The following CNKSR3 variants were observed in gnomAD, a reference collection of about 807,000 sequenced individuals.
CNKSR3 encodes the protein connector enhancer of kinase suppressor of ras 3.
Under a neutral mutation model 67.7 loss-of-function variants are expected in CNKSR3, and 36 were observed. That is an observed-to-expected ratio of 0.53 (90% CI 0.41 to 0.70). The LOEUF (loss-of-function observed/expected upper bound fraction) is 0.70. Ranked by LOEUF, CNKSR3 falls within the 30% of genes least tolerant of loss-of-function variation. The pLI, the probability that CNKSR3 is intolerant of heterozygous loss-of-function variation, is 0.00. For missense variants in CNKSR3, 630 were observed against 695.2 expected, an observed-to-expected ratio of 0.91 and a Z score of 1.05; for synonymous variants, 281 against 271.4, an observed-to-expected ratio of 1.04 and a Z score of -0.35.
chr6:154,441,739 T>TAAA (rs1157193114), intron 3 of CNKSR3, among the ~76,000 whole-genome samples: 1 of 137,258 alleles, frequency 7.3e-6, no homozygotes, highest in Admixed American at 7.2e-5. Context: ...AAGGAATAGA[T>TAAA]TAAAAACAAA....
intron 1 of CNKSR3, among the ~76,000 whole-genome samples, chr6:154,504,151 G>T (rs994073887): frequency 1.3e-5 from 2 of 152,164 alleles, no homozygotes; most frequent in African/African-American, 4.8e-5. Context: ...GCAAGCCCAG[G>T]TACTATTTTT....
intron 7 of CNKSR3, among the ~76,000 whole-genome samples, chr6:154,424,230 C>CAAA (rs56218677): frequency 4.1e-5 from 3 of 72,972 alleles, no homozygotes; most frequent in African/African-American, 1.5e-4. Flanking sequence ...GACTCCGTCT[C>CAAA]AAAAAAAAAA....
intron 1 of CNKSR3, among the ~76,000 whole-genome samples, chr6:154,488,018 C>T (rs1786713638): frequency 6.6e-6 from 1 of 152,192 alleles, no homozygotes; most frequent in African/African-American, 2.4e-5. Flanking sequence ...CAACTCTAAT[C>T]TTTACATCTT....
At chr6:154,418,796 A>C (rs925866982) in intron 9 of CNKSR3, among the ~76,000 whole-genome samples, 4 of 152,204 alleles carry the variant, frequency 2.6e-5, no homozygotes, top group African/African-American at 9.6e-5. Flanking sequence ...AGGTGACAAA[A>C]GCAAAAACAG....
chr6:154,481,020 T>C (rs1382276257), intron 1 of CNKSR3, among the ~76,000 whole-genome samples: 1 of 152,206 alleles, frequency 6.6e-6, no homozygotes, highest in Non-Finnish European at 1.5e-5. Context: ...GTCTTATGCT[T>C]ATTTGATATT....
At chr6:154,480,538 T>C (rs1786545060) in intron 1 of CNKSR3, among the ~76,000 whole-genome samples, 1 of 152,202 alleles carries the variant, frequency 6.6e-6, no homozygotes, top group Non-Finnish European at 1.5e-5. Flanking sequence ...TCTCCCTGGC[T>C]CATTCTCCAT....
At position 154,451,793 on chromosome 6, in the gene CNKSR3, T is replaced by TA. The variant is rs1280704251; in HGVS notation, c.53-1536dup. Among the ~76,000 whole-genome samples the TA allele has an allele frequency of 3.3e-5, 5 of 152,006 alleles. No homozygotes were observed. The East Asian group carries it at 7.7e-4, about 24-fold the overall frequency. ...TATTAAATATAGGAAGAGGAAGTAA[T>TA]AAAAAAAACTATGGTAACCATTTGG... On this transcript the variant is annotated intron_variant, in intron 1 of 12. Coordinates refer to ENST00000607772, the MANE Select transcript of CNKSR3 (RefSeq NM_173515.4).
chr6:154,500,682 G>A (rs1450850867), intron 1 of CNKSR3, among the ~76,000 whole-genome samples: 1 of 152,164 alleles, frequency 6.6e-6, no homozygotes, highest in Non-Finnish European at 1.5e-5. Flanking sequence ...AGTTTCTAAA[G>A]CAAACATTAG....
intron 1 of CNKSR3, among the ~76,000 whole-genome samples, chr6:154,452,696 A>C (rs550304420): frequency 6.6e-6 from 1 of 152,366 alleles, no homozygotes; most frequent in African/African-American, 2.4e-5. Flanking sequence ...TGGAGAGAGA[A>C]TCCCTAAAGA....
At position 154,509,515 on chromosome 6, in the gene CNKSR3, A is replaced by T. The variant is rs552336997; in HGVS notation, c.52+548T>A. ...GAGGTTTCTCCCTGGCGCAAATGCT[A>T]TGGTGTTGGCTTTTGCGCGGCCCTC... On this transcript the variant is annotated intron_variant, in intron 1 of 12. Coordinates refer to ENST00000607772, the MANE Select transcript of CNKSR3 (RefSeq NM_173515.4). Among the ~76,000 whole-genome samples the T allele has an allele frequency of 8.0e-3, 1,218 of 152,176 alleles. 40 individuals are homozygous for T. Among genetic ancestry groups the T allele is most frequent in the East Asian group, 0.038 (197 of 5,150 alleles).
rs942557851 is a variant in CNKSR3 at position 154,503,490 on chromosome 6, T to C, written c.52+6573A>G. Among the ~76,000 whole-genome samples, 3 of 151,998 alleles carry C rather than the reference T, an allele frequency of 2.0e-5. No homozygotes were observed. In the South Asian group the frequency reaches 6.3e-4, roughly 32 times the overall value. On this transcript the variant is annotated intron_variant, in intron 1 of 12. Coordinates refer to ENST00000607772, the MANE Select transcript of CNKSR3 (RefSeq NM_173515.4). ...GATTTTTTTTTTAATTAGCCAGGTG[T>C]AGTGGCATGTGCCTGTGGTCCCAGC...
chr6:154,455,185 G>T (rs1202185757), intron 1 of CNKSR3, among the ~76,000 whole-genome samples: 1 of 151,788 alleles, frequency 6.6e-6, no homozygotes, highest in African/African-American at 2.4e-5. Context: ...CAGGCGTGGT[G>T]GCAGGCACCT....
chr6:154,459,911 T>C (rs1786043083), intron 1 of CNKSR3, among the ~76,000 whole-genome samples: 2 of 152,206 alleles, frequency 1.3e-5, no homozygotes, highest in Admixed American at 1.3e-4. Flanking sequence ...GGGTAAGTAA[T>C]GTGTCCCAGC....
At position 154,392,217 on chromosome 6, in the gene CNKSR3, A is replaced by T. The variant is rs1784615890; in HGVS notation, c.*14137T>A. ...AGAGAGAGACTCCATCTCAAAAAAA[A>T]AAAAAGAGTGTACCATTATATGTTG... is the stretch of plus-strand genomic sequence containing the variant. On this transcript the variant is annotated 3_prime_UTR_variant, in exon 13 of 13. Coordinates refer to ENST00000607772, the MANE Select transcript of CNKSR3 (RefSeq NM_173515.4). 1 of 151,990 alleles carries T rather than the reference A, an allele frequency of 6.6e-6. No homozygotes were observed. The highest frequency in any genetic ancestry group is 1.9e-4 in the East Asian group (1 of 5,186). 9.4% of individuals were successfully genotyped at this position (151,990 alleles called of 1,614,324 possible). A position where few individuals can be genotyped will look rare whatever the true frequency, so the allele number is the denominator to read the frequency against.
At chr6:154,463,088 T>C (rs1367312137) in intron 1 of CNKSR3, among the ~76,000 whole-genome samples, 1 of 151,846 alleles carries the variant, frequency 6.6e-6, no homozygotes, top group Non-Finnish European at 1.5e-5. Context: ...ACCCTCATCT[T>C]CTCACCTTTT....
chr6:154,457,573 C>T (rs1382099918), intron 1 of CNKSR3, among the ~76,000 whole-genome samples: 2 of 152,174 alleles, frequency 1.3e-5, no homozygotes, highest in East Asian at 3.9e-4. Flanking sequence ...TGCAAACAGC[C>T]GGGCGTGGTG....
At position 154,401,832 on chromosome 6, in the gene CNKSR3, T is replaced by G. The variant is rs1244676712; in HGVS notation, c.*4522A>C. 6 of 152,326 alleles carry G rather than the reference T, an allele frequency of 3.9e-5. No individual in the cohort carries two copies. The highest frequency in any genetic ancestry group is 3.4e-3 in the Middle Eastern group (1 of 294). The allele number at this position is 152,326 out of a possible 1,614,324, so 9.4% of individuals were successfully genotyped here. ...GTGGCAAAAGGCAGCATGAGTCTCA[T>G]GCTTTGCTGGTGACATTCAAATGTC... On this transcript the variant is annotated 3_prime_UTR_variant, in exon 13 of 13. Coordinates refer to ENST00000607772, the MANE Select transcript of CNKSR3 (RefSeq NM_173515.4).
chr6:154,420,194 A>G (rs1584062622), intron 9 of CNKSR3, among the ~76,000 whole-genome samples: 3 of 151,636 alleles, frequency 2.0e-5, no homozygotes, highest in East Asian at 2.0e-4. Context: ...ATGTAGACAA[A>G]TACCACATGA....
At chr6:154,464,576 G>A (rs1034426042) in intron 1 of CNKSR3, among the ~76,000 whole-genome samples, 3 of 150,766 alleles carry the variant, frequency 2.0e-5, no homozygotes, top group African/African-American at 7.3e-5. Context: ...TTAGCCATGC[G>A]TTGTGGTTGC....
Sources: allele counts gnomAD v4.1 joint callset (sites outside exome capture counted in the v4.1 genomes callset), GRCh38; gene constraint gnomAD v4.1.1; transcripts MANE v1.5; gene names NCBI Gene and HGNC (gene_info 2026-07-23, HGNC 2026-07-21).